Variants in SV2C observed in about 807,000 individuals in gnomAD.
SV2C encodes the protein solute carrier family 22 member B3.
In SV2C, 49 loss-of-function variants were observed where a neutral mutation model predicts 79.7. The ratio of observed to expected loss-of-function variants is 0.61; its 90% CI spans 0.49 to 0.78. The LOEUF (loss-of-function observed/expected upper bound fraction) is 0.78, where lower values mean the gene tolerates loss of function less well. Ranked by LOEUF, SV2C falls within the 30% of genes least tolerant of loss-of-function variation. SV2C has a pLI of 0.00. For missense variants in SV2C, 833 were observed against 912.9 expected (o/e 0.91, Z 1.13); for synonymous variants, 334 against 333.2 (o/e 1.00, Z -0.03).
chr5:76,344,717 A>G (rs984404460), intron 12 of SV2C, among the ~76,000 whole-genome samples: 2 of 152,212 alleles, frequency 1.3e-5, no homozygotes, highest in Non-Finnish European at 2.9e-5. Context: ...CTCAAAATAA[A>G]TAAATAAATA....
chr5:76,071,109 T>G, the SV2C span, among the ~76,000 whole-genome samples: 1 of 152,224 alleles, frequency 6.6e-6, no homozygotes, highest in Non-Finnish European at 1.5e-5. Flanking sequence ...CTAGGTTTTT[T>G]GAGAGAGCAG....
intron 4 of SV2C, chr5:76,280,841 G>A: frequency 2.5e-6 from 1 of 400,452 alleles, no homozygotes; most frequent in African/African-American, 2.1e-5. Context: ...TTGCAGCCAG[G>A]CCGAATTCAG....
chr5:76,258,037 G>A (rs1394741078), intron 4 of SV2C, among the ~76,000 whole-genome samples: 2 of 149,138 alleles, frequency 1.3e-5, no homozygotes, highest in East Asian at 2.0e-4. Flanking sequence ...TGGATTGTGT[G>A]GTGTATGGTA....
chr5:76,022,237 G>T, the SV2C span, among the ~76,000 whole-genome samples: 1 of 152,110 alleles, frequency 6.6e-6, no homozygotes, highest in Non-Finnish European at 1.5e-5. Context: ...ATGCCCTCTT[G>T]GCCTTAAAAT....
chr5:75,853,844 AT>A, the SV2C span, among the ~76,000 whole-genome samples: 85 of 151,094 alleles, frequency 5.6e-4, 1 homozygote, highest in Middle Eastern at 6.8e-3. Flanking sequence ...GTCTTTAAAA[AT>A]TTTTTTTTAA....
intron 12 of SV2C, among the ~76,000 whole-genome samples, chr5:76,341,529 C>A (rs1749442297): frequency 6.6e-6 from 1 of 152,180 alleles, no homozygotes; most frequent in South Asian, 2.1e-4. Flanking sequence ...TACAGTCAGA[C>A]AATATGGGTT....
chr5:75,910,882 C>G, the SV2C span: 1 of 1,022,230 alleles, frequency 9.8e-7, no homozygotes, highest in Non-Finnish European at 1.5e-6. Context: ...AGATGATGAG[C>G]AAACTGCAGA....
intron 4 of SV2C, among the ~76,000 whole-genome samples, chr5:76,271,843 T>C (rs551328293): frequency 6.6e-6 from 1 of 152,248 alleles, no homozygotes; most frequent in South Asian, 2.1e-4. Context: ...AATATGTTTC[T>C]AAAAATTCCA....
chr5:76,239,208 T>A (rs1379062220), intron 4 of SV2C, among the ~76,000 whole-genome samples: 1 of 152,176 alleles, frequency 6.6e-6, no homozygotes, highest in African/African-American at 2.4e-5. Flanking sequence ...CATTATCTCC[T>A]CTCCAGTTTT....
At chr5:76,282,599 A>G (rs952313149) in intron 4 of SV2C, among the ~76,000 whole-genome samples, 5 of 152,254 alleles carry the variant, frequency 3.3e-5, no homozygotes, top group Non-Finnish European at 7.3e-5. Flanking sequence ...ACAGTGCTGG[A>G]TGAATGCCTC....
chr5:76,259,729 G>A (rs1030384042), intron 4 of SV2C, among the ~76,000 whole-genome samples: 4 of 151,972 alleles, frequency 2.6e-5, no homozygotes, highest in African/African-American at 9.7e-5. Context: ...TTAGTTTGCT[G>A]AAGATGATGG....
At chr5:76,245,936 ATGTGTGTGTG>A (rs60767964) in intron 4 of SV2C, among the ~76,000 whole-genome samples, 1 of 129,048 alleles carries the variant, frequency 7.7e-6, no homozygotes, top group Non-Finnish European at 1.8e-5. Context: ...GTGTGTGTGT[ATGTGTGTGTG>A]TGTGTGTGTG....
At chr5:76,140,429 G>A (rs944993290) in intron 2 of SV2C, among the ~76,000 whole-genome samples, 1 of 152,270 alleles carries the variant, frequency 6.6e-6, no homozygotes, top group East Asian at 1.9e-4. Flanking sequence ...ATTAACAAAA[G>A]GATAAATATT....
the SV2C span, among the ~76,000 whole-genome samples, chr5:75,940,257 G>A: frequency 6.6e-6 from 1 of 152,050 alleles, no homozygotes; most frequent in African/African-American, 2.4e-5. Flanking sequence ...CGGGCTACTT[G>A]GGAGGCTGAT....
intron 1 of SV2C, among the ~76,000 whole-genome samples, chr5:76,093,738 G>C (rs762932984): frequency 1.3e-5 from 2 of 152,134 alleles, no homozygotes; most frequent in African/African-American, 2.4e-5. Flanking sequence ...CCCTCTCTCT[G>C]TACTAAATAT....
the SV2C span, among the ~76,000 whole-genome samples, chr5:76,028,006 A>G: frequency 1.3e-5 from 2 of 152,218 alleles, no homozygotes; most frequent in African/African-American, 4.8e-5. Flanking sequence ...ATCCCTACAC[A>G]GATCTCTGTA....
chr5:76,256,863 G>A (rs1746282802), intron 4 of SV2C, among the ~76,000 whole-genome samples: 1 of 152,212 alleles, frequency 6.6e-6, no homozygotes, highest in African/African-American at 2.4e-5. Flanking sequence ...CAAAAAACTT[G>A]TTAAACAGAC....
chr5:75,965,410 G>A, the SV2C span, among the ~76,000 whole-genome samples: 1 of 152,166 alleles, frequency 6.6e-6, no homozygotes. Flanking sequence ...TCATTAGGGC[G>A]AGTCATTGTG....
intron 4 of SV2C, among the ~76,000 whole-genome samples, chr5:76,213,743 T>G (rs970634637): frequency 6.6e-6 from 1 of 152,186 alleles, no homozygotes; most frequent in Admixed American, 6.5e-5. Context: ...TGAGAACACT[T>G]ACTCTCAGCA....
Sources: allele counts gnomAD v4.1 joint callset (sites outside exome capture counted in the v4.1 genomes callset), GRCh38; gene constraint gnomAD v4.1.1; transcripts MANE v1.5; gene names NCBI Gene and HGNC (gene_info 2026-07-23, HGNC 2026-07-21).